Variants in NDUFS1 observed in about 807,000 individuals in gnomAD.
NDUFS1 encodes the protein NADH-ubiquinone oxidoreductase 75 kDa subunit, mitochondrial.
In NDUFS1, 61 loss-of-function variants were observed where a neutral mutation model predicts 84.4. The observed-to-expected ratio is 0.72, with a 90% CI of 0.59 to 0.89. NDUFS1 has a LOEUF of 0.89. Ranked by LOEUF, NDUFS1 falls within the 40% of genes least tolerant of loss-of-function variation. NDUFS1 has a pLI of 0.00. For missense variants in NDUFS1, 891 were observed against 890.0 expected, an observed-to-expected ratio of 1.00 and a Z score of -0.01; for synonymous variants, 275 against 290.0, an observed-to-expected ratio of 0.95 and a Z score of 0.53.
At chr2:206,125,131 C>G (rs1691240248) in intron 18 of NDUFS1, among the ~76,000 whole-genome samples, 1 of 151,948 alleles carries the variant, frequency 6.6e-6, no homozygotes, top group African/African-American at 2.4e-5. Context: ...CAGGCATGAG[C>G]CACTGCACCA....
At chr2:206,139,210 G>C (rs1489558686) in intron 12 of NDUFS1, among the ~76,000 whole-genome samples, 4 of 152,014 alleles carry the variant, frequency 2.6e-5, no homozygotes, top group African/African-American at 9.7e-5. Context: ...TTTTGAGAGA[G>C]AGTCTCACTC....
intron 11 of NDUFS1, among the ~76,000 whole-genome samples, 168 bp from the exon 12 acceptor site, chr2:206,142,237 G>C (rs1212813494): frequency 1.3e-5 from 2 of 151,900 alleles, no homozygotes; most frequent in African/African-American, 4.8e-5. Context: ...TTCTCAGATA[G>C]AGTCTCACTC....
intron 10 of NDUFS1, 69 bp downstream of exon 10, chr2:206,143,949 C>G (rs539518538): frequency 8.2e-7 from 1 of 1,219,070 alleles, no homozygotes; most frequent in African/African-American, 2.2e-5. Flanking sequence ...TATACATCCC[C>G]CCCTTCATGG....
intron 13 of NDUFS1, among the ~76,000 whole-genome samples, chr2:206,136,238 G>A (rs1210030786): frequency 6.7e-6 from 1 of 149,688 alleles, no homozygotes; most frequent in African/African-American, 2.5e-5. Context: ...TTTTTAAGCA[G>A]AAGCGGGGTT....
Position 206,120,937 on chromosome 2 carries a change from T to C in NDUFS1, c.*3248A>G, listed in dbSNP as rs1383872991. ...ATCATGCTCAGCTATTCACCTTACA[T>C]TGCTGTCCAAAATGTTTTCATTTGA... On this transcript the variant is annotated 3_prime_UTR_variant, in exon 19 of 19. Coordinates refer to ENST00000233190, the MANE Select transcript of NDUFS1 (RefSeq NM_005006.7). The C allele has an allele frequency of 1.3e-5, 2 of 152,218 alleles. No individual in the cohort carries two copies. The highest frequency in any genetic ancestry group is 2.4e-5 in the African/African-American group (1 of 41,456). 9.4% of individuals were successfully genotyped at this position (152,218 alleles called of 1,614,324 possible). A position where few individuals can be genotyped will look rare whatever the true frequency, so the allele number is the denominator to read the frequency against.
chr2:206,140,698 C>G (rs372303421), intron 12 of NDUFS1, among the ~76,000 whole-genome samples: 2 of 151,858 alleles, frequency 1.3e-5, no homozygotes, highest in South Asian at 4.2e-4. Context: ...AGGCTGGTCT[C>G]AAACTCCTGA....
chr2:206,124,818 G>A (rs1175132899), intron 18 of NDUFS1, among the ~76,000 whole-genome samples: 3 of 152,006 alleles, frequency 2.0e-5, no homozygotes, highest in Admixed American at 1.3e-4. Flanking sequence ...TAGCCTGGGC[G>A]ACAGAGCAAG....
chr2:206,144,647 A>C (rs1692089647), intron 9 of NDUFS1, among the ~76,000 whole-genome samples: 1 of 152,174 alleles, frequency 6.6e-6, no homozygotes. Context: ...ATAAGTTGAG[A>C]ATGTATCAAT....
Position 206,123,747 on chromosome 2 carries a change from G to T in NDUFS1, c.*438C>A. Reference sequence around the variant, plus strand: ...ATTATTATTAATTATAATTATCCTAGATACATATCTGAGCATGATTATGTA... The same window carrying T: ...ATTATTATTAATTATAATTATCCTATATACATATCTGAGCATGATTATGTA... On this transcript the variant is annotated 3_prime_UTR_variant, in exon 19 of 19. Coordinates refer to ENST00000233190, the MANE Select transcript of NDUFS1 (RefSeq NM_005006.7). 6.3e-6 allele frequency: 1 copy of T among 158,930 alleles called. No individual in the cohort carries two copies. Among genetic ancestry groups the T allele is most frequent in the South Asian group, 1.8e-4 (1 of 5,466 alleles). 9.8% of individuals were successfully genotyped at this position (158,930 alleles called of 1,614,324 possible). A position where few individuals can be genotyped will look rare whatever the true frequency, so the allele number is the denominator to read the frequency against.
At chr2:206,159,272 A>C in intron 1 of NDUFS1, 69 bp downstream of exon 1, 1 of 806,748 alleles carries the variant, frequency 1.2e-6, no homozygotes, top group East Asian at 2.7e-5. Context: ...GGGCCAAAGG[A>C]AACAGTCCCG....
intron 8 of NDUFS1, among the ~76,000 whole-genome samples, chr2:206,146,665 A>C (rs973417225): frequency 6.6e-6 from 1 of 152,212 alleles, no homozygotes; most frequent in African/African-American, 2.4e-5. Context: ...GGAAGAACAC[A>C]TGAAAAAAAT....
At chr2:206,129,890 C>T (rs866763416) in intron 15 of NDUFS1, among the ~76,000 whole-genome samples, 198 bp downstream of exon 15, 1 of 151,982 alleles carries the variant, frequency 6.6e-6, no homozygotes, top group African/African-American at 2.4e-5. Context: ...CCGCACCCGG[C>T]AGGTAATAAT....
Position 206,116,640 on chromosome 2 carries a change from C to T in NDUFS1, c.*7545G>A, listed in dbSNP as rs898681075. On this transcript the variant is annotated 3_prime_UTR_variant, in exon 19 of 19. Transcript: ENST00000233190. ...TTGGCTCACATGTGTAATTCCAGAA[C>T]TTTGGGAGGTCAAGGTGGGAGGAGC... is the stretch of plus-strand genomic sequence containing the variant. 4.5e-6 allele frequency: 2 copies of T among 440,448 alleles called. No homozygotes were observed. The highest frequency in any genetic ancestry group is 7.2e-5 in the Admixed American group (2 of 27,892). 27.3% of individuals were successfully genotyped at this position (440,448 alleles called of 1,614,324 possible). A position where few individuals can be genotyped will look rare whatever the true frequency, so the allele number is the denominator to read the frequency against.
In NDUFS1 at chr2:206,144,974, T is replaced by C; in HGVS notation, c.790A>G (p.Ser264Gly). The stretch of plus-strand genomic sequence containing the variant: ...CTCATCACTTCTCCAGTTCTTGTGC[T>C]AACCACAATATTACTTCCAACCGCA... The part of the protein sequence containing the change: ...MDAVGSNIVV[S>G]TRTGEVMRIL... Residue 264 changes from serine to glycine, a missense_variant, in exon 9 of 19, where the codon AGC (serine) becomes GGC (glycine). Ser to Gly is a moderately conservative substitution (Grantham distance 56, BLOSUM62 0). Coordinates refer to ENST00000233190, the MANE Select transcript of NDUFS1 (RefSeq NM_005006.7). 6.2e-7 allele frequency: 1 copy of C among 1,614,124 alleles called. No homozygotes were observed.
chr2:206,153,465 G>A (rs539646965), intron 2 of NDUFS1, among the ~76,000 whole-genome samples, 153 bp downstream of exon 2: 2 of 151,936 alleles, frequency 1.3e-5, no homozygotes, highest in South Asian at 2.1e-4. Flanking sequence ...CAAAGTGCTA[G>A]GATTACAGGC....
chr2:206,129,969 T>A, intron 15 of NDUFS1, 119 bp downstream of exon 15: 3 of 1,122,120 alleles, frequency 2.7e-6, no homozygotes, highest in South Asian at 1.3e-5. Context: ...GGAGGAGGAG[T>A]GGGGGAGGCA....
chr2:206,146,041 G>A (rs1332013085), intron 8 of NDUFS1, among the ~76,000 whole-genome samples: 1 of 152,128 alleles, frequency 6.6e-6, no homozygotes, highest in East Asian at 1.9e-4. Flanking sequence ...CAAAGTAATA[G>A]CTGGGCAAAC....
chr2:206,149,686 G>C (rs1692293517), intron 4 of NDUFS1, 132 bp downstream of exon 4: 1 of 705,250 alleles, frequency 1.4e-6, no homozygotes, highest in Non-Finnish European at 2.5e-6. Context: ...TTGTACAAAA[G>C]AATTAAATTT....
At chr2:206,159,200 C>T (rs564952678) in intron 1 of NDUFS1, 141 bp downstream of exon 1, 6 of 1,511,120 alleles carry the variant, frequency 4.0e-6, no homozygotes, top group Middle Eastern at 1.7e-4. Context: ...CTCTCAGGGG[C>T]TTCCGAGGCG....
Sources: allele counts gnomAD v4.1 joint callset (sites outside exome capture counted in the v4.1 genomes callset), GRCh38; gene constraint gnomAD v4.1.1; transcripts MANE v1.5; gene names NCBI Gene and HGNC (gene_info 2026-07-23, HGNC 2026-07-21).